ZNF385D: variants seen among roughly 807,000 people sequenced by gnomAD.
The protein encoded by ZNF385D is zinc finger protein 385D, also known as zinc finger protein 659.
A neutral mutation model predicts 35.8 loss-of-function variants in ZNF385D; 15 were observed. The ratio of observed to expected loss-of-function variants is 0.42; its 90% CI spans 0.28 to 0.64. The LOEUF (loss-of-function observed/expected upper bound fraction) is 0.64. ZNF385D is among the 30% of genes least tolerant of loss of function. ZNF385D has a pLI of 0.23. For synonymous variants in ZNF385D, 212 were observed against 186.8 expected (o/e 1.13, Z -1.10); for missense variants, 474 against 494.6 (o/e 0.96, Z 0.39).
chr3:22,346,886 T>C (rs1664924570), intron 2 of ZNF385D, among the ~76,000 whole-genome samples: 1 of 152,192 alleles, frequency 6.6e-6, no homozygotes, highest in Non-Finnish European at 1.5e-5. Context: ...CACTACACTA[T>C]CATAATGGCA....
At chr3:21,721,924 A>T (rs1208155182) in intron 1 of ZNF385D, among the ~76,000 whole-genome samples, 29 of 152,082 alleles carry the variant, frequency 1.9e-4, no homozygotes, top group Non-Finnish European at 1.5e-5. Context: ...AAATGGCGAA[A>T]CCCATCCCTA....
At chr3:21,428,891 A>T (rs371224021) in intron 5 of ZNF385D, among the ~76,000 whole-genome samples, 21 of 147,816 alleles carry the variant, frequency 1.4e-4, no homozygotes, top group African/African-American at 5.3e-4. Flanking sequence ...TCATACTCCA[A>T]CCACAGTCTA....
At chr3:22,078,561 A>G (rs1700583376) in intron 3 of ZNF385D, among the ~76,000 whole-genome samples, 1 of 152,096 alleles carries the variant, frequency 6.6e-6, no homozygotes, top group Admixed American at 6.6e-5. Flanking sequence ...CAAGCAAGGC[A>G]CAGTGCTTAT....
intron 1 of ZNF385D, among the ~76,000 whole-genome samples, chr3:21,728,846 A>G (rs2068875107): frequency 6.6e-6 from 1 of 152,208 alleles, no homozygotes; most frequent in Non-Finnish European, 1.5e-5. Flanking sequence ...AACATTTTGT[A>G]TACTTCATGT....
intron 3 of ZNF385D, among the ~76,000 whole-genome samples, chr3:21,966,164 C>G (rs1028459679): frequency 6.6e-6 from 1 of 152,090 alleles, no homozygotes; most frequent in Admixed American, 6.5e-5. Flanking sequence ...GCAGTTCTAT[C>G]TCAATGGATT....
chr3:21,634,031 T>C (rs552383784), intron 2 of ZNF385D, among the ~76,000 whole-genome samples: 16 of 151,902 alleles, frequency 1.1e-4, no homozygotes, highest in African/African-American at 3.9e-4. Context: ...CCCCCATCTC[T>C]GCAAAAAATA....
intron 3 of ZNF385D, chr3:22,133,750 A>G (rs996769435): frequency 6.6e-6 from 1 of 152,002 alleles, no homozygotes; most frequent in African/African-American, 2.4e-5. Flanking sequence ...TCAGTACTCA[A>G]GGAATGGCTT....
intron 1 of ZNF385D, among the ~76,000 whole-genome samples, chr3:21,665,951 G>A (rs2066392892): frequency 6.6e-6 from 1 of 152,170 alleles, no homozygotes; most frequent in South Asian, 2.1e-4. Flanking sequence ...TAATCTGAGA[G>A]GCAAGCAACA....
At chr3:21,524,662 G>T (rs1241578230) in intron 3 of ZNF385D, among the ~76,000 whole-genome samples, 1 of 152,088 alleles carries the variant, frequency 6.6e-6, no homozygotes, top group Non-Finnish European at 1.5e-5. Flanking sequence ...ACAGCAAGAG[G>T]GGATTCGTAA....
intron 3 of ZNF385D, among the ~76,000 whole-genome samples, chr3:21,866,282 G>T (rs575931662): frequency 6.6e-6 from 1 of 152,050 alleles, no homozygotes; most frequent in South Asian, 2.1e-4. Context: ...GTGAAACCCC[G>T]TCTCTTCTAA....
intron 2 of ZNF385D, among the ~76,000 whole-genome samples, chr3:22,279,870 CCA>C (rs1156623814): frequency 6.6e-6 from 1 of 152,028 alleles, no homozygotes; most frequent in African/African-American, 2.4e-5. Flanking sequence ...ACACTGTTTT[CCA>C]CAGTGGCTGT....
chr3:22,092,014 G>A (rs751276250), intron 3 of ZNF385D, among the ~76,000 whole-genome samples: 3 of 152,120 alleles, frequency 2.0e-5, no homozygotes, highest in Non-Finnish European at 2.9e-5. Context: ...TCACTTTCAG[G>A]AAGAACATTT....
At chr3:21,852,712 G>A (rs569280288) in intron 3 of ZNF385D, among the ~76,000 whole-genome samples, 3 of 151,784 alleles carry the variant, frequency 2.0e-5, no homozygotes, top group Non-Finnish European at 4.4e-5. Flanking sequence ...TAAAATTGGG[G>A]GTAAGATGAA....
chr3:21,603,861 A>G (rs954148216), intron 2 of ZNF385D, among the ~76,000 whole-genome samples: 3 of 152,202 alleles, frequency 2.0e-5, no homozygotes, highest in African/African-American at 4.8e-5. Flanking sequence ...AAGGTGGACT[A>G]TGCTTCCCAG....
chr3:21,722,652 C>T (rs1372330728), intron 1 of ZNF385D, among the ~76,000 whole-genome samples: 1 of 152,230 alleles, frequency 6.6e-6, no homozygotes, highest in Non-Finnish European at 1.5e-5. Flanking sequence ...TGTCTCACAC[C>T]TCACATTCTC....
At chr3:22,350,762 G>A (rs889131989) in intron 2 of ZNF385D, among the ~76,000 whole-genome samples, 2 of 151,812 alleles carry the variant, frequency 1.3e-5, no homozygotes, top group Non-Finnish European at 2.9e-5. Flanking sequence ...TGCTCCTTTT[G>A]AATGTGTAAA....
chr3:22,233,827 T>C (rs1214106370), intron 2 of ZNF385D, among the ~76,000 whole-genome samples: 1 of 152,150 alleles, frequency 6.6e-6, no homozygotes, highest in African/African-American at 2.4e-5. Context: ...CCTGTACTCA[T>C]ATTCTGGTAT....
intron 3 of ZNF385D, among the ~76,000 whole-genome samples, chr3:21,537,121 CAACTTTTTTT>C (rs2062052880): frequency 7.9e-6 from 1 of 127,368 alleles, no homozygotes; most frequent in African/African-American, 2.8e-5. Context: ...AACAAAATAT[CAACTTTTTTT>C]TTTTTTTTTT....
intron 3 of ZNF385D, among the ~76,000 whole-genome samples, chr3:21,853,671 C>T (rs990859043): frequency 1.3e-5 from 2 of 151,482 alleles, no homozygotes; most frequent in Admixed American, 6.6e-5. Flanking sequence ...TTTTGAGCCT[C>T]GATTTTATTA....
Sources: gnomAD v4.1 joint callset for allele counts (sites outside exome capture counted in the v4.1 genomes callset) on GRCh38, gnomAD v4.1.1 for gene constraint, MANE v1.5 for transcripts, NCBI Gene and HGNC (gene_info 2026-07-23, HGNC 2026-07-21) for gene names.